TMEM26: variants seen among roughly 807,000 people sequenced by gnomAD.
TMEM26 encodes transmembrane protein 26.
A neutral mutation model predicts 28.8 loss-of-function variants in TMEM26; 38 were observed. The ratio of observed to expected loss-of-function variants is 1.32; its 90% CI spans 1.02 to 1.73. TMEM26 has a LOEUF of 1.73. Among genes scored for constraint, TMEM26 ranks in the 40% most tolerant of loss-of-function variants. The probability of loss-of-function intolerance (pLI) is 0.00; values close to 1 mark genes in which losing one functional copy is unlikely to be tolerated. For synonymous variants in TMEM26, 227 were observed against 182.9 expected (o/e 1.24, Z -1.95); for missense variants, 518 against 447.1 (o/e 1.16, Z -1.43).
intron 4 of TMEM26, 23 bp downstream of exon 4, chr10:61,428,903 T>C (rs749379638): frequency 3.7e-6 from 6 of 1,605,852 alleles, no homozygotes; most frequent in Non-Finnish European, 5.1e-6. Flanking sequence ...AAACAAGGTG[T>C]TTTTGCTGCA....
intron 3 of TMEM26, among the ~76,000 whole-genome samples, chr10:61,429,553 CTGAA>C (rs1247929913): frequency 6.6e-6 from 1 of 151,924 alleles, no homozygotes; most frequent in Non-Finnish European, 1.5e-5. Context: ...ATTTTTAAAT[CTGAA>C]TGTACTAATC....
intron 1 of TMEM26, 189 bp downstream of exon 1, chr10:61,452,702 G>T (rs1840309067): frequency 3.2e-6 from 2 of 631,614 alleles, no homozygotes; most frequent in African/African-American, 1.8e-5. Flanking sequence ...GTGTTGCACT[G>T]GGACCCTAGG....
intron 1 of TMEM26, among the ~76,000 whole-genome samples, chr10:61,437,775 C>A (rs879091574): frequency 6.6e-6 from 1 of 152,162 alleles, no homozygotes; most frequent in African/African-American, 2.4e-5. Flanking sequence ...CAGAGCAAGA[C>A]TCCGTCTCAA....
rs1427150775 is a variant in TMEM26 at position 61,407,540 on chromosome 10, G to C, written c.*2782C>G. On this transcript the variant is annotated 3_prime_UTR_variant, in exon 6 of 6. Transcript: ENST00000399298. The stretch of plus-strand genomic sequence containing the variant: ...TACTATGTCAAGTCATGTCCTCTGA[G>C]AGTCATCCAGTAAGGGCAAAAGAAA... 6.6e-6 allele frequency: 1 copy of C among 152,156 alleles called. No individual in the cohort carries two copies. The highest frequency in any genetic ancestry group is 2.4e-5 in the African/African-American group (1 of 41,452). 9.4% of individuals were successfully genotyped at this position (152,156 alleles called of 1,614,324 possible).
chr10:61,414,378 A>C (rs2135287725), intron 4 of TMEM26: 1 of 152,198 alleles, frequency 6.6e-6, no homozygotes, highest in Middle Eastern at 3.4e-3. Context: ...ATCTTCCATC[A>C]AAAGAGATTT....
At chr10:61,426,197 T>G (rs1014263267) in intron 4 of TMEM26, among the ~76,000 whole-genome samples, 36 of 152,072 alleles carry the variant, frequency 2.4e-4, no homozygotes, top group Non-Finnish European at 1.5e-5. Context: ...CATTTTATAA[T>G]TCAAATTCCA....
At chr10:61,441,418 A>G (rs1003139459) in intron 1 of TMEM26, among the ~76,000 whole-genome samples, 2 of 152,188 alleles carry the variant, frequency 1.3e-5, no homozygotes, top group African/African-American at 2.4e-5. Context: ...ATTAATTACT[A>G]TTTTGAGGGT....
At chr10:61,422,237 A>T (rs1839761667) in intron 4 of TMEM26, among the ~76,000 whole-genome samples, 2 of 152,132 alleles carry the variant, frequency 1.3e-5, no homozygotes, top group African/African-American at 4.8e-5. Flanking sequence ...ACTTTCAGGA[A>T]TCAATAGAAC....
At chr10:61,431,152 G>T in intron 3 of TMEM26, 67 bp downstream of exon 3, 1 of 1,253,698 alleles carries the variant, frequency 8.0e-7, no homozygotes, top group Non-Finnish European at 1.2e-6. Flanking sequence ...TGTATAGCAG[G>T]TAATTGAGGA....
chr10:61,439,496 C>G lies in TMEM26; in HGVS notation c.192-3248G>C, dbSNP rs1840058422. Among the ~76,000 whole-genome samples, 2 of 152,212 alleles carry G rather than the reference C, an allele frequency of 1.3e-5. 1 individual carries two copies. Among genetic ancestry groups the G allele is most frequent in the South Asian group, 4.1e-4 (2 of 4,830 alleles). On this transcript the variant is annotated intron_variant, in intron 1 of 5. Transcript: ENST00000399298. ...TAAAGTCAATAGAGACTACTGATAT[C>G]TACAAGGAGCTTTCATTTCAAGAGG...
At position 61,410,188 on chromosome 10, in the gene TMEM26, T is replaced by G. The variant is rs1399330120; in HGVS notation, c.*134A>C. ...AGTTGAAAAAAGAAAATTCCTCAGC[T>G]TTGGTTTAAGATCACCTTTTTATGT... On this transcript the variant is annotated 3_prime_UTR_variant, in exon 6 of 6. Transcript: ENST00000399298. 4 of 1,001,696 alleles carry G rather than the reference T, an allele frequency of 4.0e-6. No individual in the cohort carries two copies. In the East Asian group the frequency reaches 1.1e-4, roughly 26 times the overall value. 62.1% of individuals were successfully genotyped at this position (1,001,696 alleles called of 1,614,324 possible). A position where few individuals can be genotyped will look rare whatever the true frequency, so the allele number is the denominator to read the frequency against.
At chr10:61,426,811 C>T (rs1045542046) in intron 4 of TMEM26, among the ~76,000 whole-genome samples, 1 of 151,840 alleles carries the variant, frequency 6.6e-6, no homozygotes, top group Admixed American at 6.6e-5. Context: ...GGCTTATGTC[C>T]CAGTTGGAAA....
Position 61,406,970 on chromosome 10 carries a change from A to AT in TMEM26, c.*3351_*3352insA. 1 of 152,112 alleles carries AT rather than the reference A, an allele frequency of 6.6e-6. No homozygotes were observed. Among genetic ancestry groups the AT allele is most frequent in the African/African-American group, 2.4e-5 (1 of 41,508 alleles). The allele number at this position is 152,112 out of a possible 1,614,324, so 9.4% of individuals were successfully genotyped here. A position where few individuals can be genotyped will look rare whatever the true frequency, so the allele number is the denominator to read the frequency against. ...TAAAAAGCCAAGTCTGAAATTAGAA[A>AT]AAAAAAAAATCCCCTTTTTTTCTTG... On this transcript the variant is annotated 3_prime_UTR_variant, in exon 6 of 6. Coordinates refer to ENST00000399298, the MANE Select transcript of TMEM26 (RefSeq NM_178505.8).
intron 3 of TMEM26, 22 bp from the exon 4 acceptor site, chr10:61,429,168 CA>C (rs1392021223): frequency 6.3e-7 from 1 of 1,594,352 alleles, no homozygotes; most frequent in South Asian, 1.1e-5. Context: ...AAATGTCATA[CA>C]GACAGGATTA....
intron 3 of TMEM26, among the ~76,000 whole-genome samples, chr10:61,429,502 A>G (rs535743383): frequency 6.6e-6 from 1 of 152,114 alleles, no homozygotes; most frequent in Non-Finnish European, 1.5e-5. Context: ...TATAAAATCC[A>G]TATTAATATC....
At chr10:61,414,070 A>C (rs1839612430) in intron 4 of TMEM26, 3 of 986,008 alleles carry the variant, frequency 3.0e-6, no homozygotes, top group Non-Finnish European at 3.6e-6. Flanking sequence ...ATAGTAGGAC[A>C]TAAAGCAAGG....
intron 1 of TMEM26, among the ~76,000 whole-genome samples, chr10:61,448,237 C>T (rs573093639): frequency 2.0e-5 from 3 of 152,370 alleles, no homozygotes; most frequent in African/African-American, 7.2e-5. Context: ...CTTCCTGTGA[C>T]AGCTCAAATG....
rs1385856878 is a variant in TMEM26, at chr10:61,409,011, C to A, written c.*1311G>T. 6.6e-6 allele frequency: 1 copy of A among 152,238 alleles called. No homozygotes were observed. Among genetic ancestry groups the A allele is most frequent in the Admixed American group, 6.5e-5 (1 of 15,288 alleles). 9.4% of individuals were successfully genotyped at this position (152,238 alleles called of 1,614,324 possible). The stretch of plus-strand genomic sequence containing the variant: ...CACCTTAAATGTCCCTTTGAATTCT[C>A]GAGTATACTAATCTGGGGGAATTAG... On this transcript the variant is annotated 3_prime_UTR_variant, in exon 6 of 6. Coordinates refer to ENST00000399298, the MANE Select transcript of TMEM26 (RefSeq NM_178505.8).
intron 1 of TMEM26, among the ~76,000 whole-genome samples, chr10:61,445,839 T>C (rs1440461160): frequency 6.6e-6 from 1 of 152,138 alleles, no homozygotes; most frequent in African/African-American, 2.4e-5. Context: ...TTTTCCACCG[T>C]TGGAAAAAAA....
Sources: gnomAD v4.1 joint callset for allele counts (sites outside exome capture counted in the v4.1 genomes callset) on GRCh38, gnomAD v4.1.1 for gene constraint, MANE v1.5 for transcripts, NCBI Gene and HGNC (gene_info 2026-07-23, HGNC 2026-07-21) for gene names.